ECD: variants seen among roughly 807,000 people sequenced by gnomAD.
ECD encodes the protein ecdysoneless cell cycle regulator.
ECD carries 59 observed loss-of-function variants against 77.2 expected under a neutral mutation model. The ratio of observed to expected loss-of-function variants is 0.76; its 90% confidence interval spans 0.62 to 0.95. ECD has a LOEUF of 0.95. ECD is among the 40% of genes least tolerant of loss of function. The pLI, the probability that ECD is intolerant of heterozygous loss-of-function variation, is 0.00. For missense variants in ECD, 704 were observed against 763.4 expected (o/e 0.92, Z 0.92); for synonymous variants, 233 against 267.4 (o/e 0.87, Z 1.26).
Position 73,156,291 on chromosome 10 carries a change from T to A in ECD, c.574A>T (p.Asn192Tyr), listed in dbSNP as rs34251877. 1.3e-6 allele frequency: 2 copies of A among 1,599,620 alleles called. No individual in the cohort carries two copies. Among genetic ancestry groups the A allele is most frequent in the South Asian group, 2.3e-5 (2 of 87,882 alleles). The change falls in exon 5 of 14, where the codon AAT becomes TAT. Residue 192 changes from asparagine (N) to tyrosine (Y), a missense_variant. By Grantham distance (143) the Asn-to-Tyr change is moderately radical. Coordinates refer to ENST00000372979, the MANE Select transcript of ECD (RefSeq NM_007265.3). ...LASESIRAAV[N>Y]RRIRGYPEKI... ...TTTTCTTACCCTCTGATGCGCCTAT[T>A]CACAGCAGCTCGTATAGATTCTGAA... is the stretch of plus-strand genomic sequence containing the variant.
chr10:73,138,128 T>C, intron 11 of ECD, 58 bp from the exon 12 acceptor site: 2 of 1,305,476 alleles, frequency 1.5e-6, no homozygotes, highest in South Asian at 1.8e-5. Flanking sequence ...CTTTGAAACT[T>C]TTCTAAAGTG....
At chr10:73,140,037 T>A (rs1445511293) in intron 9 of ECD, among the ~76,000 whole-genome samples, 1 of 152,010 alleles carries the variant, frequency 6.6e-6, no homozygotes, top group Non-Finnish European at 1.5e-5. Context: ...CAGGCTGGTG[T>A]GCAGTGGCGC....
intron 5 of ECD, 48 bp downstream of exon 5, chr10:73,156,227 G>T: frequency 6.6e-7 from 1 of 1,506,102 alleles, no homozygotes; most frequent in South Asian, 1.4e-5. Context: ...TGAACTACAC[G>T]AAACCAAAAG....
In ECD at chr10:73,134,367, G is replaced by A. The variant is rs1291260561; in HGVS notation, c.*216C>T. 9.7e-5 allele frequency: 52 copies of A among 538,416 alleles called. No individual in the cohort carries two copies. In the East Asian group the frequency reaches 1.6e-3, roughly 17 times the overall value. 33.4% of individuals were successfully genotyped at this position (538,416 alleles called of 1,614,324 possible). ...TCATCTCAAGGTTGTCTAGGGGCTA[G>A]ATTCTACCCTGCCGAGTTCAAAACC... On this transcript the variant is annotated 3_prime_UTR_variant, in exon 14 of 14. Coordinates refer to ENST00000372979, the MANE Select transcript of ECD (RefSeq NM_007265.3).
At chr10:73,149,493 G>A (rs1216630915) in intron 7 of ECD, among the ~76,000 whole-genome samples, 1 of 152,114 alleles carries the variant, frequency 6.6e-6, no homozygotes. Flanking sequence ...TGATCACAAA[G>A]GCAATCAACC....
Position 73,143,625 on chromosome 10 carries a change from A to G in ECD, c.1127+2651T>C, listed in dbSNP as rs191400556. Among the ~76,000 whole-genome samples the G allele has an allele frequency of 2.0e-5, 3 of 152,286 alleles. No homozygotes were observed. In the East Asian group the frequency reaches 5.8e-4, roughly 29 times the overall value. Reference sequence around the variant, plus strand: ...TTTTGATACAGGCATGTAATGTGAAATAAGTACATCATGGAGAATGGGGTA... The same window carrying G: ...TTTTGATACAGGCATGTAATGTGAAGTAAGTACATCATGGAGAATGGGGTA... On this transcript the variant is annotated intron_variant, in intron 9 of 13. Transcript: ENST00000372979.
chr10:73,147,991 G>T (rs935495967), intron 8 of ECD, among the ~76,000 whole-genome samples: 1 of 151,712 alleles, frequency 6.6e-6, no homozygotes, highest in African/African-American at 2.4e-5. Context: ...TTCCTATCTG[G>T]TGTTTTCATG....
intron 3 of ECD, among the ~76,000 whole-genome samples, chr10:73,157,451 G>A (rs1843311487): frequency 6.6e-6 from 1 of 151,546 alleles, no homozygotes; most frequent in South Asian, 2.1e-4. Context: ...AGGTGCAGTG[G>A]CTCACGCCTG....
At chr10:73,139,536 C>T in intron 10 of ECD, 41 bp from the exon 11 acceptor site, 1 of 1,604,218 alleles carries the variant, frequency 6.2e-7, no homozygotes, top group Non-Finnish European at 8.5e-7. Context: ...TCTACATTCA[C>T]ATAAGTCCTC....
chr10:73,166,856 T>A (rs907261751), intron 1 of ECD, among the ~76,000 whole-genome samples: 1 of 152,200 alleles, frequency 6.6e-6, no homozygotes, highest in African/African-American at 2.4e-5. Context: ...GCTGCCTCTG[T>A]TTGTGAGGTA....
intron 9 of ECD, among the ~76,000 whole-genome samples, chr10:73,145,236 T>C (rs548090311): frequency 1.3e-5 from 2 of 152,020 alleles, no homozygotes; most frequent in Non-Finnish European, 2.9e-5. Context: ...TGGTGGTGCA[T>C]GCCTATAGTC....
chr10:73,156,562 A>T lies in ECD; in HGVS notation c.411+6T>A, dbSNP rs746156895. 1 of 1,614,064 alleles carries T rather than the reference A, an allele frequency of 6.2e-7. No homozygotes were observed. The highest frequency in any genetic ancestry group is 8.5e-7 in the Non-Finnish European group (1 of 1,179,954). On this transcript the variant is annotated splice_donor_region_variant and intron_variant, in intron 4 of 13. Coordinates refer to ENST00000372979, the MANE Select transcript of ECD (RefSeq NM_007265.3). ...CTATAAATTTTCTAAACTTGGGTAT[A>T]CTTACCCTATTGGTGCTATTTTCAG... is the stretch of plus-strand genomic sequence containing the variant.
intron 1 of ECD, among the ~76,000 whole-genome samples, chr10:73,164,469 CTTTA>C (rs1027883224): frequency 4.6e-5 from 7 of 151,758 alleles, no homozygotes; most frequent in African/African-American, 7.3e-5. Flanking sequence ...TTTTTTTAAA[CTTTA>C]TTTATTTATT....
At chr10:73,164,763 A>G (rs1004968757) in intron 1 of ECD, among the ~76,000 whole-genome samples, 7 of 152,200 alleles carry the variant, frequency 4.6e-5, no homozygotes, top group Admixed American at 3.9e-4. Flanking sequence ...CTGGCCTAAT[A>G]TTATTTTTAA....
In ECD at chr10:73,163,098, C is replaced by T. The variant is rs78392926; in HGVS notation, c.205+635G>A. Among the ~76,000 whole-genome samples, 272 of 152,230 alleles carry T rather than the reference C, an allele frequency of 1.8e-3. 3 individuals carry two copies. The highest frequency in any genetic ancestry group is 6.2e-3 in the African/African-American group (258 of 41,528). On this transcript the variant is annotated intron_variant, in intron 2 of 13. Transcript: ENST00000372979. ...AAACTCATCTACTTGCCAAGATAGACCTGTCCGAGTCATTCTTTGGTCTCT... is the reference window on the plus strand; with the variant it reads ...AAACTCATCTACTTGCCAAGATAGATCTGTCCGAGTCATTCTTTGGTCTCT...
At chr10:73,162,960 A>G (rs758171005) in intron 2 of ECD, among the ~76,000 whole-genome samples, 2 of 152,232 alleles carry the variant, frequency 1.3e-5, no homozygotes, top group African/African-American at 2.4e-5. Context: ...GCATATACGC[A>G]GTAGGCAAAG....
intron 12 of ECD, among the ~76,000 whole-genome samples, chr10:73,137,716 C>T (rs1460321200): frequency 6.7e-6 from 1 of 149,924 alleles, no homozygotes; most frequent in Non-Finnish European, 1.5e-5. Context: ...GCGGAGCTTG[C>T]AGTGAGCCGA....
At chr10:73,157,677 G>A (rs772620339) in intron 3 of ECD, among the ~76,000 whole-genome samples, 1 of 150,742 alleles carries the variant, frequency 6.6e-6, no homozygotes, top group Admixed American at 6.6e-5. Flanking sequence ...AGCCGAGATC[G>A]CACCATTGCA....
intron 13 of ECD, among the ~76,000 whole-genome samples, chr10:73,135,125 C>A (rs977487751): frequency 8.6e-5 from 13 of 152,006 alleles, no homozygotes; most frequent in Non-Finnish European, 1.8e-4. Flanking sequence ...TATAACTTGT[C>A]TAAGAGTCTT....
Sources: gnomAD v4.1 joint callset for allele counts (sites outside exome capture counted in the v4.1 genomes callset) on GRCh38, gnomAD v4.1.1 for gene constraint, MANE v1.5 for transcripts, NCBI Gene and HGNC (gene_info 2026-07-23, HGNC 2026-07-21) for gene names.